Variants in DACH1 observed in about 807,000 individuals in gnomAD.
DACH1 encodes dachshund family transcription factor 1.
A neutral mutation model predicts 54.2 loss-of-function variants in DACH1; 12 were observed. That is an observed-to-expected ratio of 0.22 (90% CI 0.14 to 0.36). The LOEUF (loss-of-function observed/expected upper bound fraction) is 0.36, where lower values mean the gene tolerates loss of function less well. DACH1 is among the 10% of genes least tolerant of loss of function. The pLI, the probability that DACH1 is intolerant of heterozygous loss-of-function variation, is 1.00. For synonymous variants in DACH1, 386 were observed against 366.2 expected (o/e 1.05, Z -0.62); for missense variants, 805 against 929.8 (o/e 0.87, Z 1.75).
At chr13:71,697,559 C>T (rs1881893834) in intron 1 of DACH1, among the ~76,000 whole-genome samples, 1 of 152,202 alleles carries the variant, frequency 6.6e-6, no homozygotes, top group African/African-American at 2.4e-5. Context: ...TTGAAATTAT[C>T]AACCAAAGTA....
rs183623093 is a variant in DACH1 at position 71,736,317 on chromosome 13, G to A, written c.849-54407C>T. ...TCAGATTCATTCAAAAATTTATTAAGGACTTTTTACGTATACTGCAGCATA... is the reference window on the plus strand; with the variant it reads ...TCAGATTCATTCAAAAATTTATTAAAGACTTTTTACGTATACTGCAGCATA... On this transcript the variant is annotated intron_variant, in intron 1 of 10. Transcript: ENST00000613252. 2.0e-5 allele frequency among the ~76,000 whole-genome samples: 3 copies of A among 152,142 alleles called. No homozygotes were observed. The East Asian group carries it at 5.8e-4, about 29-fold the overall frequency.
intron 2 of DACH1, among the ~76,000 whole-genome samples, chr13:71,633,830 CT>C (rs1191079481): frequency 1.3e-5 from 2 of 152,050 alleles, no homozygotes; most frequent in African/African-American, 4.8e-5. Flanking sequence ...CCCACTGCCC[CT>C]CCCCACCAGT....
chr13:71,586,167 G>T (rs74878160), intron 3 of DACH1, among the ~76,000 whole-genome samples: 8 of 152,096 alleles, frequency 5.3e-5, no homozygotes, highest in African/African-American at 1.9e-4. Flanking sequence ...TTCTTGACAG[G>T]GGGTACCAGC....
intron 3 of DACH1, among the ~76,000 whole-genome samples, chr13:71,574,600 T>TA (rs1238345011): frequency 1.3e-5 from 2 of 152,048 alleles, no homozygotes; most frequent in Non-Finnish European, 1.5e-5. Flanking sequence ...TAAGGTTCAA[T>TA]ATAAATTCAA....
chr13:71,505,189 T>C (rs1880215575), intron 6 of DACH1, among the ~76,000 whole-genome samples: 1 of 152,062 alleles, frequency 6.6e-6, no homozygotes, highest in Non-Finnish European at 1.5e-5. Flanking sequence ...TTCAGGTGAT[T>C]CCTCAGCCTC....
At chr13:71,613,803 C>T (rs1402590118) in intron 3 of DACH1, among the ~76,000 whole-genome samples, 3 of 152,154 alleles carry the variant, frequency 2.0e-5, no homozygotes, top group African/African-American at 7.2e-5. Flanking sequence ...CAGCCTGGAC[C>T]TCCTGGGCTC....
intron 6 of DACH1, among the ~76,000 whole-genome samples, chr13:71,528,528 CG>C (rs1427095824): frequency 6.8e-6 from 1 of 148,126 alleles, no homozygotes; most frequent in Non-Finnish European, 1.5e-5. Context: ...CCCGGGTTCA[CG>C]CCATTCTCCT....
intron 6 of DACH1, among the ~76,000 whole-genome samples, chr13:71,555,956 C>T (rs1293287306): frequency 1.3e-5 from 2 of 152,142 alleles, no homozygotes; most frequent in African/African-American, 2.4e-5. Context: ...TTCTCTCTGA[C>T]ATTCCATAGC....
Position 71,609,774 on chromosome 13 carries a change from G to A in DACH1, c.1126+20782C>T, listed in dbSNP as rs1231250840. On this transcript the variant is annotated intron_variant, in intron 3 of 10. Coordinates refer to ENST00000613252, the MANE Select transcript of DACH1 (RefSeq NM_080759.6). ...ACTCCAGACCTCAGGTGATCCACCC[G>A]CCTCAGCCTCCCAAAGTGCTGGGAT... 4.6e-5 allele frequency among the ~76,000 whole-genome samples: 7 copies of A among 151,938 alleles called. 1 individual carries two copies. Among genetic ancestry groups the A allele is most frequent in the Admixed American group, 2.6e-4 (4 of 15,252 alleles).
intron 1 of DACH1, among the ~76,000 whole-genome samples, chr13:71,748,971 T>G (rs1210254083): frequency 2.2e-5 from 3 of 138,696 alleles, no homozygotes; most frequent in Non-Finnish European, 4.8e-5. Context: ...TTTCTCTCTC[T>G]CTCTTTCTTC....
chr13:71,826,060 A>G (rs552320128), intron 1 of DACH1, among the ~76,000 whole-genome samples: 2 of 152,228 alleles, frequency 1.3e-5, no homozygotes, highest in East Asian at 1.9e-4. Context: ...CAAATTTTGC[A>G]TCTTAAAAAC....
chr13:71,521,739 G>A (rs1035923173), intron 6 of DACH1, among the ~76,000 whole-genome samples: 2 of 152,002 alleles, frequency 1.3e-5, no homozygotes, highest in Admixed American at 6.6e-5. Flanking sequence ...ATGCCAAATC[G>A]CCTACGCGGT....
chr13:71,552,798 T>C (rs1278590784), intron 6 of DACH1, among the ~76,000 whole-genome samples: 2 of 10,408 alleles, frequency 1.9e-4, no homozygotes, highest in Non-Finnish European at 3.4e-4. Flanking sequence ...TGTGAATATA[T>C]ATATATATAT....
chr13:71,650,352 C>T (rs1429282711), intron 2 of DACH1, among the ~76,000 whole-genome samples: 2 of 152,144 alleles, frequency 1.3e-5, no homozygotes, highest in Non-Finnish European at 1.5e-5. Context: ...TGGTATATTA[C>T]AGCAGCAAGA....
intron 1 of DACH1, among the ~76,000 whole-genome samples, chr13:71,781,782 C>T (rs1886394350): frequency 1.3e-5 from 2 of 152,100 alleles, no homozygotes; most frequent in Non-Finnish European, 2.9e-5. Context: ...AAAGATCACT[C>T]TGGACTGAAC....
intron 3 of DACH1, among the ~76,000 whole-genome samples, chr13:71,600,152 C>G (rs1874390779): frequency 6.6e-6 from 1 of 152,036 alleles, no homozygotes; most frequent in Non-Finnish European, 1.5e-5. Flanking sequence ...AGGAAAGACA[C>G]TCTGATGTAG....
chr13:71,657,692 C>T (rs966636881), intron 2 of DACH1, among the ~76,000 whole-genome samples: 2 of 151,918 alleles, frequency 1.3e-5, no homozygotes, highest in African/African-American at 4.8e-5. Context: ...TGTGAATGTA[C>T]CAAATCTCAA....
chr13:71,784,431 A>G (rs903776045), intron 1 of DACH1, among the ~76,000 whole-genome samples: 2 of 152,120 alleles, frequency 1.3e-5, no homozygotes, highest in Non-Finnish European at 2.9e-5. Flanking sequence ...AGAAAAATTC[A>G]TTATTTTCGC....
chr13:71,549,141 AAAT>A (rs572663624), intron 6 of DACH1, among the ~76,000 whole-genome samples: 212 of 152,226 alleles, frequency 1.4e-3, no homozygotes, highest in African/African-American at 4.7e-3. Flanking sequence ...TCATTAAGCC[AAAT>A]AATAAGTTAT....
Sources: allele counts gnomAD v4.1 joint callset (sites outside exome capture counted in the v4.1 genomes callset), GRCh38; gene constraint gnomAD v4.1.1; transcripts MANE v1.5; gene names NCBI Gene and HGNC (gene_info 2026-07-23, HGNC 2026-07-21).